DNAI4: variants seen among roughly 807,000 people sequenced by gnomAD.
DNAI4 encodes dynein axonemal intermediate chain 4.
In DNAI4, 85 loss-of-function variants were observed where a neutral mutation model predicts 105.8. The ratio of observed to expected loss-of-function variants is 0.80; its 90% confidence interval spans 0.67 to 0.96. The LOEUF is 0.96. Ranked by LOEUF, DNAI4 falls within the 40% of genes least tolerant of loss-of-function variation. The probability of loss-of-function intolerance (pLI) is 0.00; values close to 1 mark genes in which losing one functional copy is unlikely to be tolerated. For missense variants in DNAI4, 1,014 were observed against 1,005.6 expected (o/e 1.01, Z -0.11); for synonymous variants, 352 against 331.5 (o/e 1.06, Z -0.67).
chr1:66,818,747 C>G (rs1645568282), intron 16 of DNAI4, among the ~76,000 whole-genome samples: 1 of 152,032 alleles, frequency 6.6e-6, no homozygotes. Context: ...CCTGTCTCTA[C>G]TAAAAAAGTA....
At chr1:66,892,057 G>T (rs1485681166) in intron 3 of DNAI4, among the ~76,000 whole-genome samples, 1 of 152,088 alleles carries the variant, frequency 6.6e-6, no homozygotes, top group African/African-American at 2.4e-5. Context: ...CCTTCTCAAG[G>T]TTTAACTAAA....
intron 4 of DNAI4, among the ~76,000 whole-genome samples, chr1:66,886,806 A>G (rs535208320): frequency 6.6e-6 from 1 of 152,284 alleles, no homozygotes; most frequent in Admixed American, 6.5e-5. Context: ...CCCTGGCTGC[A>G]ACATTTCCAA....
chr1:66,899,908 A>G (rs931500388), intron 2 of DNAI4, among the ~76,000 whole-genome samples: 5 of 151,978 alleles, frequency 3.3e-5, no homozygotes, highest in Non-Finnish European at 5.9e-5. Flanking sequence ...ATTGTATCCC[A>G]TTGATCTACA....
chr1:66,816,025 G>T (rs752786789), intron 16 of DNAI4, among the ~76,000 whole-genome samples: 4 of 152,062 alleles, frequency 2.6e-5, no homozygotes, highest in Non-Finnish European at 4.4e-5. Context: ...TACCTCCAGA[G>T]GGCCAGGCAT....
At chr1:66,860,359 T>C (rs1411792153) in intron 7 of DNAI4, among the ~76,000 whole-genome samples, 1 of 151,992 alleles carries the variant, frequency 6.6e-6, no homozygotes, top group Non-Finnish European at 1.5e-5. Context: ...ATATGGACCA[T>C]ATTTAACTTT....
intron 1 of DNAI4, among the ~76,000 whole-genome samples, chr1:66,915,940 G>A (rs527250228): frequency 6.4e-4 from 97 of 152,154 alleles, no homozygotes; most frequent in African/African-American, 2.2e-3. Flanking sequence ...TGGCCAACAT[G>A]GCGAAGCCCC....
rs1297664475 is a variant in DNAI4, at chr1:66,892,544, T to C, written c.530+685A>G. Among the ~76,000 whole-genome samples, 7 of 152,184 alleles carry C rather than the reference T, an allele frequency of 4.6e-5. 1 individual carries two copies. The highest frequency in any genetic ancestry group is 1.5e-5 in the Non-Finnish European group (1 of 68,036). On this transcript the variant is annotated intron_variant, in intron 3 of 16. Coordinates refer to ENST00000371026, the MANE Select transcript of DNAI4 (RefSeq NM_024763.5). ...TCACAAATGTTTTGTTGTGAGTGTATGGAAACTCTGAAGACATTAAGAGCT... is the reference window on the plus strand; with the variant it reads ...TCACAAATGTTTTGTTGTGAGTGTACGGAAACTCTGAAGACATTAAGAGCT...
At chr1:66,916,209 G>A (rs1343294120) in intron 1 of DNAI4, among the ~76,000 whole-genome samples, 1 of 151,696 alleles carries the variant, frequency 6.6e-6, no homozygotes, top group Non-Finnish European at 1.5e-5. Flanking sequence ...AATAATCAGT[G>A]TAAATCACAA....
At chr1:66,827,956 A>G in intron 13 of DNAI4, 46 bp from the exon 14 acceptor site, 1 of 1,200,214 alleles carries the variant, frequency 8.3e-7, no homozygotes, top group Non-Finnish European at 1.2e-6. Flanking sequence ...ATACATTAGT[A>G]AGTGTGATAA....
intron 2 of DNAI4, among the ~76,000 whole-genome samples, chr1:66,897,379 A>C (rs934106553): frequency 1.3e-5 from 2 of 152,216 alleles, no homozygotes; most frequent in African/African-American, 4.8e-5. Context: ...AAGGGAAGCA[A>C]AGCAGAAAGA....
intron 6 of DNAI4, among the ~76,000 whole-genome samples, chr1:66,867,206 G>A (rs1458904731): frequency 6.6e-6 from 1 of 152,148 alleles, no homozygotes; most frequent in African/African-American, 2.4e-5. Context: ...CTGATGTCTT[G>A]TTCTCTACAC....
chr1:66,837,614 T>G, intron 10 of DNAI4, 96 bp downstream of exon 10: 1 of 1,324,184 alleles, frequency 7.6e-7, no homozygotes. Context: ...TGATAAAATT[T>G]TCTAGACTTT....
rs766579231 is a variant in DNAI4, at chr1:66,871,395, A to T, written c.915T>A (p.Cys305Ter). The T allele has an allele frequency of 1.9e-6, 3 of 1,609,710 alleles. No individual in the cohort carries two copies. The highest frequency in any genetic ancestry group is 2.5e-6 in the Non-Finnish European group (3 of 1,177,670). ...NGAPKNKDVQ[C>*]DKIIMEDKGI... ...CTTTATCTTCCATTATGATTTTATC[A>T]CATTGAACATCTTTATTCTTTGGTG... Residue 305 changes from cysteine (C) to a stop codon, truncating the protein, a stop_gained, in exon 6 of 17, where the codon TGT (cysteine) becomes TGA (stop). Transcript: ENST00000371026. LOFTEE classifies it high-confidence loss of function.
At chr1:66,832,447 G>A (rs911839842) in intron 13 of DNAI4, among the ~76,000 whole-genome samples, 1 of 152,198 alleles carries the variant, frequency 6.6e-6, no homozygotes, top group Non-Finnish European at 1.5e-5. Context: ...GCCTATCATA[G>A]TGGCTGAATA....
intron 7 of DNAI4, among the ~76,000 whole-genome samples, chr1:66,852,957 T>A (rs573277934): frequency 4.6e-5 from 7 of 152,334 alleles, no homozygotes; most frequent in African/African-American, 1.2e-4. Flanking sequence ...TTTATTGTTA[T>A]AACTTCTTTC....
chr1:66,888,652 C>T (rs1214704160), intron 4 of DNAI4, among the ~76,000 whole-genome samples: 4 of 152,128 alleles, frequency 2.6e-5, no homozygotes, highest in African/African-American at 9.7e-5. Flanking sequence ...GAGATCATGC[C>T]ACTGAACTCT....
chr1:66,903,786 T>C (rs1474438191), intron 2 of DNAI4, among the ~76,000 whole-genome samples: 1 of 152,210 alleles, frequency 6.6e-6, no homozygotes, highest in African/African-American at 2.4e-5. Context: ...TAAGCCACCA[T>C]GCCCAGCTGG....
chr1:66,820,595 G>A (rs1389589220), intron 16 of DNAI4, among the ~76,000 whole-genome samples: 1 of 151,976 alleles, frequency 6.6e-6, no homozygotes, highest in Non-Finnish European at 1.5e-5. Context: ...GCATAAGCAA[G>A]TTTATGTATA....
chr1:66,814,697 C>T (rs2454322), intron 16 of DNAI4, among the ~76,000 whole-genome samples: 86,551 of 152,058 alleles, frequency 0.57, 24,975 homozygotes, highest in East Asian at 0.74. Context: ...TTCCGATAAA[C>T]GATTTTATAA....
Sources: gnomAD v4.1 joint callset for allele counts (sites outside exome capture counted in the v4.1 genomes callset) on GRCh38, gnomAD v4.1.1 for gene constraint, MANE v1.5 for transcripts, NCBI Gene and HGNC (gene_info 2026-07-23, HGNC 2026-07-21) for gene names.